The following ZNF385D variants were observed in gnomAD, a reference collection of about 807,000 sequenced individuals.
ZNF385D encodes zinc finger protein 659.
ZNF385D carries 15 observed loss-of-function variants against 35.8 expected under a neutral mutation model. The observed-to-expected ratio is 0.42, with a 90% CI of 0.28 to 0.64. The LOEUF (loss-of-function observed/expected upper bound fraction) is 0.64. Among genes scored for constraint, ZNF385D ranks in the 30% least tolerant of loss-of-function variants. ZNF385D has a pLI of 0.23. For missense variants in ZNF385D, 474 were observed against 494.6 expected (o/e 0.96, Z 0.39); for synonymous variants, 212 against 186.8 (o/e 1.13, Z -1.10).
At chr3:21,764,896 C>T (rs62236236) in intron 3 of ZNF385D, among the ~76,000 whole-genome samples, 26,496 of 151,918 alleles carry the variant, frequency 0.17, 2,811 homozygotes, top group Non-Finnish European at 0.23. Context: ...TCCAATTGTC[C>T]ACTTCTCTCC....
At chr3:22,047,943 C>T (rs757567795) in intron 3 of ZNF385D, among the ~76,000 whole-genome samples, 4 of 152,136 alleles carry the variant, frequency 2.6e-5, no homozygotes, top group Non-Finnish European at 4.4e-5. Context: ...ATTATTCTAA[C>T]AGATATGAGG....
At chr3:21,821,216 C>A (rs923338976) in intron 3 of ZNF385D, among the ~76,000 whole-genome samples, 1 of 151,730 alleles carries the variant, frequency 6.6e-6, no homozygotes, top group Non-Finnish European at 1.5e-5. Flanking sequence ...AAGTCTCACT[C>A]ATAAATTTAG....
At chr3:21,534,512 G>GGAAAAGAA (rs2061993548) in intron 3 of ZNF385D, among the ~76,000 whole-genome samples, 1 of 151,994 alleles carries the variant, frequency 6.6e-6, no homozygotes, top group South Asian at 2.1e-4. Flanking sequence ...CAAGCTGACC[G>GGAAAAGAA]GAAAAGAAGA....
rs1699280516 is a variant in ZNF385D, at chr3:22,237,896, C to A, written c.107-68861G>T. Among the ~76,000 whole-genome samples, 2 of 150,836 alleles carry A rather than the reference C, an allele frequency of 1.3e-5. 1 individual carries two copies. The highest frequency in any genetic ancestry group is 4.4e-4 in the South Asian group (2 of 4,578). ...TGATCTTGTGATCTGCCCGCCACAA[C>A]CTCCCAAAGTGCTGGCATTACAGGC... On this transcript the variant is annotated intron_variant, in intron 2 of 5. Transcript: ENST00000494108.
At chr3:21,507,613 T>C (rs1397470867) in intron 4 of ZNF385D, among the ~76,000 whole-genome samples, 1 of 152,162 alleles carries the variant, frequency 6.6e-6, no homozygotes, top group Non-Finnish European at 1.5e-5. Context: ...AGAGTCCTTT[T>C]GTTTTGAGAT....
intron 4 of ZNF385D, among the ~76,000 whole-genome samples, chr3:21,481,838 A>G (rs1704650230): frequency 6.6e-6 from 1 of 152,140 alleles, no homozygotes; most frequent in Admixed American, 6.6e-5. Context: ...CTCAATATAT[A>G]ACTGCTGGAT....
intron 2 of ZNF385D, among the ~76,000 whole-genome samples, chr3:22,335,209 T>C (rs1695110038): frequency 6.6e-6 from 1 of 152,182 alleles, no homozygotes; most frequent in African/African-American, 2.4e-5. Flanking sequence ...AGATAGGTCT[T>C]GGCCTTCTGC....
intron 3 of ZNF385D, among the ~76,000 whole-genome samples, chr3:21,832,932 C>G (rs1383941738): frequency 6.6e-6 from 1 of 152,166 alleles, no homozygotes; most frequent in Non-Finnish European, 1.5e-5. Context: ...TGGTCAAAAA[C>G]TTTTTATGAG....
Position 21,841,993 on chromosome 3 carries a change from T to C in ZNF385D, c.326-176965A>G, listed in dbSNP as rs1695712873. Among the ~76,000 whole-genome samples the C allele has an allele frequency of 2.0e-5, 3 of 151,586 alleles. 1 individual carries two copies. The highest frequency in any genetic ancestry group is 4.1e-4 in the South Asian group (2 of 4,834). On this transcript the variant is annotated intron_variant, in intron 3 of 5. Transcript: ENST00000494108. ...ATAATTGAATCTATATAATTGAAAATGTATTTGTATAATATATAAAATGGA... is the reference window on the plus strand; with the variant it reads ...ATAATTGAATCTATATAATTGAAAACGTATTTGTATAATATATAAAATGGA...
At chr3:22,342,318 A>G (rs1400541234) in intron 2 of ZNF385D, among the ~76,000 whole-genome samples, 1 of 150,660 alleles carries the variant, frequency 6.6e-6, no homozygotes, top group East Asian at 1.9e-4. Flanking sequence ...ATGAATTACT[A>G]TCAATGATAA....
At chr3:21,885,835 C>G (rs1269871129) in intron 3 of ZNF385D, among the ~76,000 whole-genome samples, 2 of 151,212 alleles carry the variant, frequency 1.3e-5, no homozygotes, top group African/African-American at 2.4e-5. Context: ...TGTGAAGGCT[C>G]TGTGAGTCTG....
intron 3 of ZNF385D, among the ~76,000 whole-genome samples, chr3:22,081,870 C>G (rs538947034): frequency 3.8e-4 from 58 of 151,984 alleles, no homozygotes; most frequent in Non-Finnish European, 3.8e-4. Flanking sequence ...CCTCAATTTG[C>G]TTGTTATAGT....
chr3:21,548,534 C>G (rs1351199004), intron 3 of ZNF385D, among the ~76,000 whole-genome samples: 1 of 152,180 alleles, frequency 6.6e-6, no homozygotes, highest in Non-Finnish European at 1.5e-5. Flanking sequence ...TTCTCAAACT[C>G]TTTGCATTTA....
At chr3:22,032,148 A>T (rs564329168) in intron 3 of ZNF385D, among the ~76,000 whole-genome samples, 2 of 152,212 alleles carry the variant, frequency 1.3e-5, no homozygotes, top group Non-Finnish European at 2.9e-5. Flanking sequence ...AAACCATTCA[A>T]CAAGTCTCTA....
intron 2 of ZNF385D, among the ~76,000 whole-genome samples, chr3:22,248,131 G>C (rs891120909): frequency 5.9e-5 from 9 of 152,056 alleles, no homozygotes; most frequent in African/African-American, 2.2e-4. Context: ...CTGTTTTCTG[G>C]CATCAGGCAA....
chr3:21,450,632 A>G (rs1217507512), intron 4 of ZNF385D, among the ~76,000 whole-genome samples: 1 of 152,184 alleles, frequency 6.6e-6, no homozygotes, highest in African/African-American at 2.4e-5. Context: ...TCAGTTTTAT[A>G]AAAATACAAT....
In ZNF385D at chr3:22,244,103, A is replaced by T. The variant is rs139809927; in HGVS notation, c.107-75068T>A. On this transcript the variant is annotated intron_variant, in intron 2 of 5. Coordinates refer to the ZNF385D transcript ENST00000494108. Reference sequence around the variant, plus strand: ...CTTTTTATATTTCCCCTTGAAGCCAATGAACCTCTACAAAATCTACAGTTT... The same window carrying T: ...CTTTTTATATTTCCCCTTGAAGCCATTGAACCTCTACAAAATCTACAGTTT... 2.0e-5 allele frequency among the ~76,000 whole-genome samples: 3 copies of T among 150,756 alleles called. 1 individual carries two copies. Among genetic ancestry groups the T allele is most frequent in the African/African-American group, 7.4e-5 (3 of 40,684 alleles).
chr3:22,230,094 G>T (rs1698797561), intron 2 of ZNF385D, among the ~76,000 whole-genome samples: 1 of 152,128 alleles, frequency 6.6e-6, no homozygotes, highest in South Asian at 2.1e-4. Flanking sequence ...AGTCCTGAGG[G>T]ACAACGATGA....
At chr3:22,208,962 T>C (rs1427871020) in intron 2 of ZNF385D, among the ~76,000 whole-genome samples, 1 of 151,886 alleles carries the variant, frequency 6.6e-6, no homozygotes, top group South Asian at 2.1e-4. Flanking sequence ...CCAGTTTATA[T>C]TTCCACTTGC....
Sources: gnomAD v4.1 joint callset for allele counts (sites outside exome capture counted in the v4.1 genomes callset) on GRCh38, gnomAD v4.1.1 for gene constraint, MANE v1.5 for transcripts, NCBI Gene and HGNC (gene_info 2026-07-23, HGNC 2026-07-21) for gene names.